RBFOX2: variants seen among roughly 807,000 people sequenced by gnomAD.
RBFOX2 encodes RNA binding protein fox-1 homolog 2.
In RBFOX2, 10 loss-of-function variants were observed where a neutral mutation model predicts 49.1. That is an observed-to-expected ratio of 0.20 (90% CI 0.13 to 0.35). The LOEUF (loss-of-function observed/expected upper bound fraction) is 0.35, where lower values mean the gene tolerates loss of function less well. RBFOX2 is among the 10% of genes least tolerant of loss of function. The pLI, the probability that RBFOX2 is intolerant of heterozygous loss-of-function variation, is 1.00. For missense variants in RBFOX2, 323 were observed against 486.9 expected, an observed-to-expected ratio of 0.66 and a Z score of 3.17; for synonymous variants, 183 against 187.4, an observed-to-expected ratio of 0.98 and a Z score of 0.19.
intron 1 of RBFOX2, among the ~76,000 whole-genome samples, chr22:35,871,417 T>A (rs1283042739): frequency 2.0e-5 from 3 of 152,016 alleles, no homozygotes; most frequent in African/African-American, 4.8e-5. Context: ...TATGCAACAA[T>A]GGAAATACAG....
rs183934643 is a variant in RBFOX2, at chr22:35,812,720, T to C, written c.28-2716A>G. On this transcript the variant is annotated intron_variant, in intron 1 of 11. Coordinates refer to ENST00000405409, the Ensembl canonical transcript of RBFOX2. ...TAAATAATTGGTAAAAGCTAAAAGA[T>C]AGAGTTTTCAAGTTAGGATTAACAA... Among the ~76,000 whole-genome samples, 6 of 152,292 alleles carry C rather than the reference T, an allele frequency of 3.9e-5. No individual in the cohort carries two copies. In the East Asian group the frequency reaches 5.8e-4, roughly 15 times the overall value.
chr22:35,895,348 T>C (rs1480918120), intron 1 of RBFOX2, among the ~76,000 whole-genome samples: 1 of 152,172 alleles, frequency 6.6e-6, no homozygotes, highest in East Asian at 1.9e-4. Context: ...ATCAAAAATC[T>C]CTGCCCTCTA....
chr22:35,936,058 G>C (rs1400171822), intron 1 of RBFOX2, among the ~76,000 whole-genome samples: 2 of 151,830 alleles, frequency 1.3e-5, no homozygotes, highest in Non-Finnish European at 2.9e-5. Flanking sequence ...AATAAGGAAA[G>C]CAAACAGGCC....
chr22:35,785,547 G>A (rs1417947367), intron 2 of RBFOX2, among the ~76,000 whole-genome samples: 1 of 152,212 alleles, frequency 6.6e-6, no homozygotes, highest in African/African-American at 2.4e-5. Context: ...GTGAATCAGA[G>A]ATACTTCTGG....
chr22:35,856,519 G>C (rs1280764573), intron 1 of RBFOX2, among the ~76,000 whole-genome samples: 1 of 151,582 alleles, frequency 6.6e-6, no homozygotes, highest in African/African-American at 2.4e-5. Context: ...GTATAAATTT[G>C]GTTTTAGTCA....
intron 1 of RBFOX2, chr22:35,997,361 A>AAG (rs397970093): frequency 1.3e-5 from 2 of 151,520 alleles, no homozygotes; most frequent in African/African-American, 4.9e-5. Context: ...AGCCAACAAA[A>AAG]TCTCCTCTAA....
intron 1 of RBFOX2, chr22:35,822,006 A>G: frequency 3.9e-6 from 2 of 516,484 alleles, no homozygotes; most frequent in Non-Finnish European, 7.7e-6. Flanking sequence ...TTCCAGTAAA[A>G]CCAAGCAATC....
intron 1 of RBFOX2, among the ~76,000 whole-genome samples, chr22:35,956,362 A>AT (rs542743357): frequency 0.01 from 1,489 of 144,438 alleles, 11 homozygotes; most frequent in Non-Finnish European, 0.014. Context: ...GGCTTGCTTC[A>AT]TTTTTTTTTT....
At chr22:35,977,747 T>TATATATATAG (rs2057257473) in intron 1 of RBFOX2, among the ~76,000 whole-genome samples, 9 of 138,792 alleles carry the variant, frequency 6.5e-5, no homozygotes, top group African/African-American at 2.4e-4. Flanking sequence ...TATATATATA[T>TATATATATAG]ATATATATAT....
intron 9 of RBFOX2, among the ~76,000 whole-genome samples, chr22:35,754,240 C>T (rs996384568): frequency 6.7e-5 from 10 of 149,772 alleles, no homozygotes; most frequent in South Asian, 2.1e-4. Context: ...TACAGGCGCC[C>T]GCCACCACGC....
intron 1 of RBFOX2, among the ~76,000 whole-genome samples, chr22:35,830,686 G>C (rs1956624867): frequency 6.6e-6 from 1 of 152,142 alleles, no homozygotes; most frequent in Admixed American, 6.5e-5. Flanking sequence ...ATATAGAAAA[G>C]GGACAGTAAA....
intron 1 of RBFOX2, among the ~76,000 whole-genome samples, chr22:35,948,774 T>C (rs898134968): frequency 1.6e-4 from 24 of 152,306 alleles, no homozygotes; most frequent in Admixed American, 3.3e-4. Flanking sequence ...ATACTATAAA[T>C]ATTCTTTGCA....
At chr22:35,955,941 C>T (rs907275855) in intron 1 of RBFOX2, among the ~76,000 whole-genome samples, 5 of 152,174 alleles carry the variant, frequency 3.3e-5, no homozygotes, top group Non-Finnish European at 5.9e-5. Context: ...ATAGCCTTTT[C>T]GCCTATCTCT....
intron 1 of RBFOX2, among the ~76,000 whole-genome samples, chr22:35,819,435 T>C (rs1197310543): frequency 1.2e-4 from 19 of 152,250 alleles, no homozygotes; most frequent in Non-Finnish European, 5.9e-5. Context: ...AGTTCTGCTT[T>C]ATTTTAACTT....
chr22:35,925,838 A>G (rs1034950106), intron 1 of RBFOX2, among the ~76,000 whole-genome samples: 1 of 152,220 alleles, frequency 6.6e-6, no homozygotes, highest in African/African-American at 2.4e-5. Context: ...TTCAGCAGAT[A>G]AAAGCTAAGC....
At chr22:35,879,845 G>A (rs1353004568) in intron 1 of RBFOX2, among the ~76,000 whole-genome samples, 3 of 152,136 alleles carry the variant, frequency 2.0e-5, no homozygotes, top group East Asian at 1.9e-4. Flanking sequence ...ATGGAATACC[G>A]AACCAGGATA....
In RBFOX2 at chr22:35,808,242, C is replaced by T. The variant is rs61292471; in HGVS notation, c.252+1538G>A. Among the ~76,000 whole-genome samples, 520 of 152,120 alleles carry T rather than the reference C, an allele frequency of 3.4e-3. 1 individual carries two copies. The highest frequency in any genetic ancestry group is 0.011 in the African/African-American group (459 of 41,430). On this transcript the variant is annotated intron_variant, in intron 2 of 11. Transcript: ENST00000405409. ...TACGTTTATGATTCTAGAACAAATG[C>T]TACTGAAAGTCTCGTTTGTTACCTA...
chr22:35,790,994 C>A (rs963404497), intron 2 of RBFOX2, among the ~76,000 whole-genome samples: 8 of 151,566 alleles, frequency 5.3e-5, no homozygotes, highest in African/African-American at 1.9e-4. Context: ...GGCGACAAGG[C>A]AAGACCCTGT....
intron 4 of RBFOX2, among the ~76,000 whole-genome samples, chr22:35,776,079 A>G (rs568643987): frequency 6.6e-6 from 1 of 152,302 alleles, no homozygotes; most frequent in Admixed American, 6.5e-5. Flanking sequence ...AACAACTAAA[A>G]ATATTTAAAA....
Sources: allele counts gnomAD v4.1 joint callset (sites outside exome capture counted in the v4.1 genomes callset), GRCh38; gene constraint gnomAD v4.1.1; transcripts MANE v1.5; gene names NCBI Gene and HGNC (gene_info 2026-07-23, HGNC 2026-07-21).